Variants in TENM4 observed in about 807,000 individuals in gnomAD.
TENM4 encodes the protein teneurin-4.
TENM4 carries 82 observed loss-of-function variants against 243.3 expected under a neutral mutation model. The ratio of observed to expected loss-of-function variants is 0.34; its 90% CI spans 0.28 to 0.40. The LOEUF is 0.40. Among genes scored for constraint, TENM4 ranks in the 10% least tolerant of loss-of-function variants. The pLI is 1.00. For synonymous variants in TENM4, 1,412 were observed against 1,456.3 expected, an observed-to-expected ratio of 0.97 and a Z score of 0.69; for missense variants, 3,138 against 3,673.3, an observed-to-expected ratio of 0.85 and a Z score of 3.77.
rs763900351 is a variant in TENM4 at position 78,701,686 on chromosome 11, C to G, written c.4927G>C (p.Val1643Leu). 1.9e-6 allele frequency: 3 copies of G among 1,613,966 alleles called. No homozygotes were observed. The highest frequency in any genetic ancestry group is 1.7e-6 in the Non-Finnish European group (2 of 1,179,882). ...CAGTACACCTGGCCATCTGGGACCA[C>G]CAGCCAGAGGGGCATCCCAGTAGAG... ...RDSTGMPLWL[V>L]VPDGQVYWVT... The change falls in exon 28 of 34, where the codon GTG becomes CTG. Residue 1643 changes from valine to leucine, a missense_variant. By Grantham distance (32) the Val-to-Leu change is conservative (BLOSUM62 1). Transcript: ENST00000278550.
At chr11:79,261,634 A>G (rs1377616107) in intron 2 of TENM4, among the ~76,000 whole-genome samples, 1 of 151,610 alleles carries the variant, frequency 6.6e-6, no homozygotes, top group African/African-American at 2.4e-5. Flanking sequence ...GGGAATATAC[A>G]GAGAGAGAGA....
chr11:79,053,264 A>G (rs1373101043), intron 6 of TENM4, among the ~76,000 whole-genome samples: 1 of 152,362 alleles, frequency 6.6e-6, no homozygotes, highest in East Asian at 1.9e-4. Flanking sequence ...TGTGGGTTCC[A>G]GCCTGACCTG....
chr11:79,276,334 C>T (rs1220166415), intron 2 of TENM4, among the ~76,000 whole-genome samples: 4 of 152,222 alleles, frequency 2.6e-5, no homozygotes, highest in Admixed American at 1.3e-4. Flanking sequence ...GCCCCGGTGC[C>T]GGGCTATGTC....
chr11:79,040,603 C>T (rs1311634809), intron 6 of TENM4, among the ~76,000 whole-genome samples: 16 of 152,134 alleles, frequency 1.1e-4, no homozygotes, highest in Admixed American at 1.0e-3. Flanking sequence ...CCCAAGCTTG[C>T]CATGAAAAGC....
chr11:78,827,148 A>G (rs1323345680), intron 12 of TENM4, among the ~76,000 whole-genome samples: 1 of 152,198 alleles, frequency 6.6e-6, no homozygotes, highest in Non-Finnish European at 1.5e-5. Context: ...ATCTAACTAT[A>G]TTTTTCCAGT....
chr11:79,378,037 C>T (rs141222926), intron 1 of TENM4, among the ~76,000 whole-genome samples: 3 of 152,308 alleles, frequency 2.0e-5, no homozygotes, highest in African/African-American at 7.2e-5. Flanking sequence ...CTTTACTCTC[C>T]GTGCCTTCCT....
chr11:79,264,051 G>A (rs185860319), intron 2 of TENM4, among the ~76,000 whole-genome samples: 1 of 152,312 alleles, frequency 6.6e-6, no homozygotes, highest in Non-Finnish European at 1.5e-5. Flanking sequence ...AGGTCTTCCA[G>A]AATGGACATT....
chr11:78,844,425 C>T (rs562241809), intron 12 of TENM4, among the ~76,000 whole-genome samples: 2 of 152,244 alleles, frequency 1.3e-5, no homozygotes, highest in South Asian at 2.1e-4. Flanking sequence ...AGGCAGATCA[C>T]GAGTTCAGGA....
intron 1 of TENM4, among the ~76,000 whole-genome samples, chr11:79,398,370 T>C (rs1396001912): frequency 6.6e-6 from 1 of 152,130 alleles, no homozygotes; most frequent in Non-Finnish European, 1.5e-5. Flanking sequence ...GCAATGTTCA[T>C]CCAGCCTTAC....
intron 6 of TENM4, among the ~76,000 whole-genome samples, chr11:78,911,538 C>T (rs1856186419): frequency 6.6e-6 from 1 of 152,170 alleles, no homozygotes; most frequent in Non-Finnish European, 1.5e-5. Flanking sequence ...TGGATGTGTA[C>T]CCCAAATGTC....
At chr11:78,666,084 T>C (rs1298660971) in intron 32 of TENM4, among the ~76,000 whole-genome samples, 2 of 152,144 alleles carry the variant, frequency 1.3e-5, no homozygotes, top group African/African-American at 2.4e-5. Flanking sequence ...TGGATGGGAA[T>C]GAAGATGCAT....
intron 1 of TENM4, among the ~76,000 whole-genome samples, chr11:79,351,955 G>T (rs758870207): frequency 1.2e-4 from 19 of 152,088 alleles, no homozygotes; most frequent in Non-Finnish European, 2.1e-4. Context: ...GTCACTTCTA[G>T]TTCCTGATTT....
At chr11:79,068,497 CTG>C (rs150961207) in intron 5 of TENM4, 10 of 151,762 alleles carry the variant, frequency 6.6e-5, no homozygotes, top group Admixed American at 4.6e-4. Flanking sequence ...TAGGTGTGCT[CTG>C]TGTGTGTGTG....
chr11:79,211,609 A>C (rs1215020301), intron 3 of TENM4, among the ~76,000 whole-genome samples: 1 of 152,240 alleles, frequency 6.6e-6, no homozygotes, highest in Admixed American at 6.5e-5. Context: ...GCCAAAATGT[A>C]AAACAATGCC....
At chr11:78,684,814 T>G (rs550859342) in intron 29 of TENM4, among the ~76,000 whole-genome samples, 79 of 152,358 alleles carry the variant, frequency 5.2e-4, no homozygotes, top group Admixed American at 7.8e-4. Flanking sequence ...CTGCTTAATG[T>G]AAAATGCTGA....
chr11:78,929,934 G>A (rs1056225679), intron 6 of TENM4, among the ~76,000 whole-genome samples: 9 of 152,140 alleles, frequency 5.9e-5, no homozygotes, highest in Admixed American at 2.6e-4. Context: ...TGCAATTGTG[G>A]AGTGGAGGAC....
intron 15 of TENM4, among the ~76,000 whole-genome samples, chr11:78,793,291 C>A (rs1212645854): frequency 1.3e-5 from 2 of 152,208 alleles, no homozygotes; most frequent in Non-Finnish European, 2.9e-5. Context: ...CAAAGATCTG[C>A]ACGCCTTCCT....
chr11:78,939,531 C>T (rs1278062969), intron 6 of TENM4, among the ~76,000 whole-genome samples: 2 of 152,226 alleles, frequency 1.3e-5, no homozygotes, highest in Non-Finnish European at 2.9e-5. Context: ...ACTTGGAGAA[C>T]TCACATTTAT....
At chr11:79,370,129 G>A (rs964275624) in intron 1 of TENM4, among the ~76,000 whole-genome samples, 2 of 152,184 alleles carry the variant, frequency 1.3e-5, no homozygotes, top group Non-Finnish European at 2.9e-5. Flanking sequence ...TCAAGGGATG[G>A]CCCCAGGAAG....
Sources: allele counts gnomAD v4.1 joint callset (sites outside exome capture counted in the v4.1 genomes callset), GRCh38; gene constraint gnomAD v4.1.1; transcripts MANE v1.5; gene names NCBI Gene and HGNC (gene_info 2026-07-23, HGNC 2026-07-21).